LAMC1: variants seen among roughly 807,000 people sequenced by gnomAD.
LAMC1 encodes laminin subunit gamma-1.
In LAMC1, 38 loss-of-function variants were observed where a neutral mutation model predicts 173.6. The ratio of observed to expected loss-of-function variants is 0.22; its 90% confidence interval spans 0.17 to 0.29. The LOEUF is 0.29. LAMC1 is among the 10% of genes least tolerant of loss of function. The pLI is 1.00. For missense variants in LAMC1, 1,824 were observed against 2,051.8 expected, an observed-to-expected ratio of 0.89 and a Z score of 2.14; for synonymous variants, 746 against 749.1, an observed-to-expected ratio of 1.00 and a Z score of 0.07.
intron 24 of LAMC1, 147 bp downstream of exon 24, chr1:183,135,303 T>C (rs1193547624): frequency 6.4e-6 from 4 of 624,982 alleles, no homozygotes; most frequent in Non-Finnish European, 1.1e-5. Context: ...ATCCCAGAGC[T>C]CCTGTCATTT....
chr1:183,114,222 A>G (rs1204628792), intron 4 of LAMC1, among the ~76,000 whole-genome samples: 5 of 152,148 alleles, frequency 3.3e-5, no homozygotes, highest in African/African-American at 1.2e-4. Context: ...GGCATCTGCT[A>G]CCACACCCGG....
chr1:183,033,173 C>G lies in LAMC1; in HGVS notation c.418+9039C>G, dbSNP rs151219329. 3.9e-5 allele frequency among the ~76,000 whole-genome samples: 6 copies of G among 152,304 alleles called. No homozygotes were observed. In the East Asian group the frequency reaches 1.2e-3, roughly 29 times the overall value. On this transcript the variant is annotated intron_variant, in intron 1 of 27. Coordinates refer to ENST00000258341, the MANE Select transcript of LAMC1 (RefSeq NM_002293.4). ...ATATTTCTCTTAGTGTCTTTCTCCT[C>G]TGTACCAGAAGTTGCTGGCATTAAT...
intron 1 of LAMC1, among the ~76,000 whole-genome samples, chr1:183,053,634 T>G (rs1026143641): frequency 6.9e-6 from 1 of 145,238 alleles, no homozygotes; most frequent in East Asian, 2.0e-4. Context: ...ATAGTTTTGG[T>G]TTTTTTTTTT....
At chr1:183,042,881 T>A (rs943708156) in intron 1 of LAMC1, among the ~76,000 whole-genome samples, 1 of 152,206 alleles carries the variant, frequency 6.6e-6, no homozygotes, top group Non-Finnish European at 1.5e-5. Flanking sequence ...TATGTCTATC[T>A]GCCTCGGAGG....
intron 11 of LAMC1, among the ~76,000 whole-genome samples, chr1:183,120,421 A>G (rs1656439459): frequency 6.6e-6 from 1 of 152,184 alleles, no homozygotes; most frequent in East Asian, 1.9e-4. Context: ...TCATGACCTA[A>G]CTAGGCAAGA....
rs552534783 is a variant in LAMC1 at position 183,027,836 on chromosome 1, C to G, written c.418+3702C>G. Among the ~76,000 whole-genome samples, 23 of 152,198 alleles carry G rather than the reference C, an allele frequency of 1.5e-4. No individual in the cohort carries two copies. The South Asian group carries it at 4.6e-3, about 30-fold the overall frequency. Reference sequence around the variant, plus strand: ...TGGCAATTTTTCCCCCCAGGAAAACCTTTGCAAGGTGGGTTCTGACTATGT... The same window carrying G: ...TGGCAATTTTTCCCCCCAGGAAAACGTTTGCAAGGTGGGTTCTGACTATGT... On this transcript the variant is annotated intron_variant, in intron 1 of 27. Coordinates refer to ENST00000258341, the MANE Select transcript of LAMC1 (RefSeq NM_002293.4).
chr1:183,117,980 C>G, intron 10 of LAMC1, 54 bp from the exon 11 acceptor site: 1 of 1,053,024 alleles, frequency 9.5e-7, no homozygotes, highest in Non-Finnish European at 1.4e-6. Flanking sequence ...AATATTTCCC[C>G]AACATCCAGA....
chr1:183,115,689 C>A, intron 6 of LAMC1, 52 bp downstream of exon 6: 1 of 1,158,070 alleles, frequency 8.6e-7, no homozygotes, highest in South Asian at 1.2e-5. Flanking sequence ...ATATAGTCAA[C>A]ACATATTAAT....
At chr1:183,087,018 CTT>C (rs1655446383) in intron 1 of LAMC1, among the ~76,000 whole-genome samples, 1 of 152,160 alleles carries the variant, frequency 6.6e-6, no homozygotes. Flanking sequence ...TTATTTTACA[CTT>C]AAGAAAATTG....
chr1:183,078,084 C>T (rs1005328915), intron 1 of LAMC1, among the ~76,000 whole-genome samples: 1 of 152,094 alleles, frequency 6.6e-6, no homozygotes, highest in African/African-American at 2.4e-5. Flanking sequence ...TTACTCCCAA[C>T]AAGAATTTTA....
chr1:183,062,657 A>G (rs1158706777), intron 1 of LAMC1, among the ~76,000 whole-genome samples: 1 of 151,972 alleles, frequency 6.6e-6, no homozygotes, highest in Admixed American at 6.6e-5. Context: ...AAAATAAAAA[A>G]CTTTTATTTA....
rs752840050 is a variant in LAMC1, at chr1:183,130,554, G to A, written c.3486+5G>A. 1.2e-6 allele frequency: 2 copies of A among 1,613,566 alleles called. No individual in the cohort carries two copies. Among genetic ancestry groups the A allele is most frequent in the African/African-American group, 2.7e-5 (2 of 74,930 alleles). The stretch of plus-strand genomic sequence containing the variant: ...AAAGTCGCTGCTGCCAATGTGGTAA[G>A]TGATTGCAAACGTCTGAGGTGGGGA... On this transcript the variant is annotated splice_donor_5th_base_variant and intron_variant, in intron 19 of 27. Coordinates refer to ENST00000258341, the MANE Select transcript of LAMC1 (RefSeq NM_002293.4).
rs1656753031 is a variant in LAMC1 at position 183,130,479 on chromosome 1, A to G, written c.3416A>G (p.Glu1139Gly). The G allele has an allele frequency of 3.7e-6, 6 of 1,614,126 alleles. No homozygotes were observed. The highest frequency in any genetic ancestry group is 2.2e-5 in the East Asian group (1 of 44,900). The stretch of plus-strand genomic sequence containing the variant: ...GCTGAACAAGCGCGTGCCCATGTAG[A>G]GAACACAGAGCGGTTGATTGAAATC... ...NLAEQARAHV[E>G]NTERLIEIAS... is the part of the protein sequence containing the mutation. Residue 1139 changes from glutamate (E) to glycine (G), a missense_variant, in exon 19 of 28, where the codon GAG becomes GGG. Transcript: ENST00000258341.
chr1:183,126,284 CA>C, intron 16 of LAMC1, 22 bp downstream of exon 16: 2 of 1,607,914 alleles, frequency 1.2e-6, no homozygotes, highest in South Asian at 1.1e-5. Context: ...TGGTGGCATA[CA>C]ACTCTAAGCT....
chr1:183,122,145 C>T lies in LAMC1; in HGVS notation c.2295C>T (p.Gly765=). Residue 765 remains glycine (G), a synonymous_variant, in exon 13 of 28, where the codon GGC becomes GGT. Transcript: ENST00000258341. ...SDGYYGDSTA[G]TSSDCQPCPC... ...GGTACTATGGAGATTCAACTGCAGGCACCTCCTCCGATTGCCAACCCTGTC... is the reference window on the plus strand; with the variant it reads ...GGTACTATGGAGATTCAACTGCAGGTACCTCCTCCGATTGCCAACCCTGTC... The T allele has an allele frequency of 3.7e-6, 6 of 1,614,148 alleles. No individual in the cohort carries two copies. The highest frequency in any genetic ancestry group is 5.1e-6 in the Non-Finnish European group (6 of 1,180,002).
intron 1 of LAMC1, among the ~76,000 whole-genome samples, chr1:183,028,322 T>A (rs947178998): frequency 6.6e-6 from 1 of 152,200 alleles, no homozygotes; most frequent in Non-Finnish European, 1.5e-5. Flanking sequence ...GCAAACATTT[T>A]AAAAAATACT....
At chr1:183,082,472 T>C (rs1156669998) in intron 1 of LAMC1, among the ~76,000 whole-genome samples, 1 of 152,158 alleles carries the variant, frequency 6.6e-6, no homozygotes, top group African/African-American at 2.4e-5. Flanking sequence ...CAAAGGACCA[T>C]GAAGCACGGT....
rs1228545034 is a variant in LAMC1 at position 183,024,103 on chromosome 1, C to T, written c.387C>T (p.Tyr129=). The T allele has an allele frequency of 6.2e-7, 1 of 1,603,376 alleles. No individual in the cohort carries two copies. Among genetic ancestry groups the T allele is most frequent in the East Asian group, 2.3e-5 (1 of 44,262 alleles). ...AGACCATGCTGGCCGGGGTGCAGTACCCCAGCTCCATCAACCTCACGCTGC... is the reference window on the plus strand; with the variant it reads ...AGACCATGCTGGCCGGGGTGCAGTATCCCAGCTCCATCAACCTCACGCTGC... ...QSQTMLAGVQ[Y]PSSINLTLHL... The change falls in exon 1 of 28, where the codon TAC becomes TAT. Residue 129 remains tyrosine (Y), a synonymous_variant. Coordinates refer to ENST00000258341, the MANE Select transcript of LAMC1 (RefSeq NM_002293.4).
intron 25 of LAMC1, 65 bp from the exon 26 acceptor site, chr1:183,137,604 G>T: frequency 1.0e-6 from 1 of 968,512 alleles, no homozygotes. Flanking sequence ...TATAAAAGGA[G>T]CGGGAGCATA....
Sources: allele counts gnomAD v4.1 joint callset (sites outside exome capture counted in the v4.1 genomes callset), GRCh38; gene constraint gnomAD v4.1.1; transcripts MANE v1.5; gene names NCBI Gene and HGNC (gene_info 2026-07-23, HGNC 2026-07-21).